ACYP2: variants seen among roughly 807,000 people sequenced by gnomAD.
ACYP2 encodes acylphosphatase 2.
ACYP2 carries 12 observed loss-of-function variants against 11.2 expected under a neutral mutation model. That is an observed-to-expected ratio of 1.08 (90% CI 0.69 to 1.74). The LOEUF (loss-of-function observed/expected upper bound fraction) is 1.74. ACYP2 is among the 40% of genes most tolerant of loss of function. The pLI is 0.00. For missense variants in ACYP2, 134 were observed against 101.9 expected, an observed-to-expected ratio of 1.31 and a Z score of -1.35; for synonymous variants, 43 against 32.2, an observed-to-expected ratio of 1.33 and a Z score of -1.13.
chr2:54,274,068 CTG>C (rs1688436703), intron 6 of ACYP2, among the ~76,000 whole-genome samples: 1 of 152,106 alleles, frequency 6.6e-6, no homozygotes, highest in Admixed American at 6.5e-5. Context: ...ATACCTGAGA[CTG>C]AGCAATTTAC....
intron 2 of ACYP2, among the ~76,000 whole-genome samples, chr2:53,993,584 C>T (rs2104520909): frequency 6.6e-6 from 1 of 151,158 alleles, no homozygotes; most frequent in South Asian, 2.1e-4. Flanking sequence ...GTAGTCTCAG[C>T]TCCTCGGGAG....
At chr2:54,258,131 G>A (rs1476223609) in intron 6 of ACYP2, among the ~76,000 whole-genome samples, 4 of 152,120 alleles carry the variant, frequency 2.6e-5, no homozygotes, top group Non-Finnish European at 5.9e-5. Flanking sequence ...TAGCAGGGGA[G>A]AAAGATAATA....
At chr2:54,075,516 A>G (rs147832795) in intron 4 of ACYP2, among the ~76,000 whole-genome samples, 1 of 106,006 alleles carries the variant, frequency 9.4e-6, no homozygotes, top group East Asian at 4.7e-4. Context: ...AAAAAAAAAG[A>G]AAGAAAAAAA....
At chr2:54,016,875 G>A (rs535328045) in intron 2 of ACYP2, among the ~76,000 whole-genome samples, 172 of 151,956 alleles carry the variant, frequency 1.1e-3, no homozygotes, top group Non-Finnish European at 1.8e-3. Flanking sequence ...ACAGGCGCCC[G>A]CCACCACGCC....
intron 4 of ACYP2, among the ~76,000 whole-genome samples, chr2:54,117,086 T>C (rs998361873): frequency 5.9e-5 from 9 of 152,082 alleles, no homozygotes; most frequent in East Asian, 5.8e-4. Context: ...AGCTAGACTT[T>C]AGAGCGCAAA....
At chr2:54,123,509 C>G (rs981925361) in intron 4 of ACYP2, 1 of 398,124 alleles carries the variant, frequency 2.5e-6, no homozygotes, top group African/African-American at 2.1e-5. Context: ...ACTAAATATA[C>G]AGTAGTTTTT....
intron 4 of ACYP2, among the ~76,000 whole-genome samples, chr2:54,131,404 C>T (rs961623529): frequency 7.2e-5 from 11 of 152,158 alleles, no homozygotes; most frequent in Non-Finnish European, 1.2e-4. Flanking sequence ...GTTGAAAGGA[C>T]GTTGCTCTTC....
At chr2:54,143,296 T>G (rs749375751) in intron 6 of ACYP2, 2 of 152,222 alleles carry the variant, frequency 1.3e-5, no homozygotes, top group Non-Finnish European at 2.9e-5. Flanking sequence ...CACAATAAAT[T>G]TTACTTTTGC....
At chr2:54,117,075 A>C (rs114477918) in intron 4 of ACYP2, among the ~76,000 whole-genome samples, 263 of 152,282 alleles carry the variant, frequency 1.7e-3, no homozygotes, top group African/African-American at 6.1e-3. Flanking sequence ...GAGAACGAGG[A>C]AGCTAGACTT....
chr2:54,234,364 A>G (rs1265718497), intron 6 of ACYP2, among the ~76,000 whole-genome samples: 1 of 152,192 alleles, frequency 6.6e-6, no homozygotes, highest in African/African-American at 2.4e-5. Flanking sequence ...GGCCACCTCT[A>G]CATCTTGGTA....
At chr2:54,100,656 C>A (rs957678459) in intron 4 of ACYP2, among the ~76,000 whole-genome samples, 3 of 151,970 alleles carry the variant, frequency 2.0e-5, no homozygotes, top group Non-Finnish European at 1.5e-5. Context: ...AATCATGCCA[C>A]ATTTTAACTC....
rs535698729 is a variant in ACYP2 at position 54,047,975 on chromosome 2, C to G, written c.63-2983C>G. Among the ~76,000 whole-genome samples the G allele has an allele frequency of 2.9e-4, 44 of 152,284 alleles. 1 individual carries two copies. Among genetic ancestry groups the G allele is most frequent in the African/African-American group, 9.9e-4 (41 of 41,568 alleles). ...TTCTTTCCCCCAGCCAAGGCTGGTT[C>G]CATGGTTGCAGGTGAAGATCAAGTT... On this transcript the variant is annotated intron_variant, in intron 2 of 6. Transcript: ENST00000607452.
intron 6 of ACYP2, among the ~76,000 whole-genome samples, chr2:54,269,185 C>T (rs939955888): frequency 1.3e-5 from 2 of 152,100 alleles, no homozygotes; most frequent in African/African-American, 2.4e-5. Context: ...TGGCCTTAAG[C>T]GATTATTCCA....
chr2:54,003,337 G>A (rs934679070), intron 2 of ACYP2, among the ~76,000 whole-genome samples: 3 of 151,424 alleles, frequency 2.0e-5, no homozygotes, highest in Admixed American at 6.6e-5. Flanking sequence ...TTGGCTCACC[G>A]CAACCTCCGC....
chr2:54,241,145 A>G (rs1458091437), intron 6 of ACYP2, among the ~76,000 whole-genome samples: 1 of 152,178 alleles, frequency 6.6e-6, no homozygotes, highest in Non-Finnish European at 1.5e-5. Flanking sequence ...TCCCTCCCCA[A>G]ATGCCTGTGA....
chr2:54,195,072 T>G (rs1169008507), intron 6 of ACYP2, among the ~76,000 whole-genome samples: 1 of 152,232 alleles, frequency 6.6e-6, no homozygotes, highest in Non-Finnish European at 1.5e-5. Context: ...TTCACTCTTT[T>G]CTTTTTAGTC....
chr2:53,981,836 AT>A (rs1671779266), intron 2 of ACYP2, among the ~76,000 whole-genome samples: 1 of 152,226 alleles, frequency 6.6e-6, no homozygotes, highest in Non-Finnish European at 1.5e-5. Flanking sequence ...TGTTTGTACA[AT>A]GATGAAATCG....
At chr2:53,996,230 C>G (rs1050009721) in intron 2 of ACYP2, among the ~76,000 whole-genome samples, 9 of 152,070 alleles carry the variant, frequency 5.9e-5, no homozygotes, top group Non-Finnish European at 1.0e-4. Context: ...ATACATCCAG[C>G]TTTTCTATTT....
chr2:53,973,855 ATGTGTGTGTGTGTGTGTG>A lies in ACYP2; in HGVS notation c.62+75_62+92del, dbSNP rs573137716. 4.7e-4 allele frequency: 58 copies of A among 124,440 alleles called. 1 individual carries two copies. The highest frequency in any genetic ancestry group is 3.8e-3 in the Middle Eastern group (1 of 266). 7.7% of individuals were successfully genotyped at this position (124,440 alleles called of 1,614,324 possible). A position where few individuals can be genotyped will look rare whatever the true frequency, so the allele number is the denominator to read the frequency against. On this transcript the variant is annotated intron_variant, in intron 2 of 6. Coordinates refer to ENST00000607452, the MANE Select transcript of ACYP2 (RefSeq NM_001320586.2). Reference sequence around the variant, plus strand: ...GGATTTTTGAATGTGGGATATATATATGTGTGTGTGTGTGTGTGTGTGTGTGTGTGTGTGTGTGTGTGT... The same window carrying A: ...GGATTTTTGAATGTGGGATATATATATGTGTGTGTGTGTGTGTGTGTGTGT...
Sources: gnomAD v4.1 joint callset for allele counts (sites outside exome capture counted in the v4.1 genomes callset) on GRCh38, gnomAD v4.1.1 for gene constraint, MANE v1.5 for transcripts, NCBI Gene and HGNC (gene_info 2026-07-23, HGNC 2026-07-21) for gene names.